EDEM1: variants seen among roughly 807,000 people sequenced by gnomAD.
EDEM1 encodes the protein ER degradation-enhancing alpha-mannosidase-like protein 1.
EDEM1 carries 67 observed loss-of-function variants against 74.4 expected under a neutral mutation model. The ratio of observed to expected loss-of-function variants is 0.90; its 90% CI spans 0.74 to 1.10. EDEM1 has a LOEUF of 1.10. Among genes scored for constraint, EDEM1 ranks in the 50% least tolerant of loss-of-function variants. The pLI, the probability that EDEM1 is intolerant of heterozygous loss-of-function variation, is 0.00. For missense variants in EDEM1, 926 were observed against 851.6 expected, an observed-to-expected ratio of 1.09 and a Z score of -1.09; for synonymous variants, 382 against 335.9, an observed-to-expected ratio of 1.14 and a Z score of -1.50.
intron 1 of EDEM1, 86 bp downstream of exon 1, chr3:5,188,400 G>A: frequency 7.7e-7 from 1 of 1,296,226 alleles, no homozygotes; most frequent in Non-Finnish European, 9.8e-7. Context: ...GTCCTCCGGG[G>A]CCCCCGAGGG....
chr3:5,199,351 A>C (rs990799775), intron 2 of EDEM1, among the ~76,000 whole-genome samples: 3 of 152,254 alleles, frequency 2.0e-5, no homozygotes, highest in Non-Finnish European at 2.9e-5. Context: ...CAATGATTTT[A>C]CAAGGAATTA....
At chr3:5,188,714 TA>T (rs2054861841) in intron 1 of EDEM1, among the ~76,000 whole-genome samples, 2 of 152,202 alleles carry the variant, frequency 1.3e-5, no homozygotes, top group Non-Finnish European at 2.9e-5. Flanking sequence ...GCCCCCCGTG[TA>T]AACGCAGCCT....
chr3:5,210,051 G>A, intron 8 of EDEM1, 124 bp from the exon 9 acceptor site: 1 of 765,554 alleles, frequency 1.3e-6, no homozygotes, highest in Non-Finnish European at 2.3e-6. Context: ...AAATGACCTG[G>A]GCCCTGTTTC....
intron 11 of EDEM1, among the ~76,000 whole-genome samples, chr3:5,214,458 G>A (rs944911926): frequency 1.3e-5 from 2 of 152,042 alleles, no homozygotes; most frequent in African/African-American, 2.4e-5. Context: ...AACCACCCCC[G>A]CCCCCATTTC....
In EDEM1 at chr3:5,207,222, G is replaced by T. The variant is rs754932073; in HGVS notation, c.1287G>T (p.Gln429His). 3 of 1,614,204 alleles carry T rather than the reference G, an allele frequency of 1.9e-6. No homozygotes were observed. Among genetic ancestry groups the T allele is most frequent in the East Asian group, 4.5e-5 (2 of 44,878 alleles). The change falls in exon 7 of 12, where the codon CAG (glutamine) becomes CAT (histidine). Residue 429 changes from glutamine to histidine, a missense_variant. Gln to His is a conservative substitution (Grantham distance 24). Transcript: ENST00000256497. ...LYVNVNMFSG[Q>H]LMNTWIDSLQ... Reference sequence around the variant, plus strand: ...TCAACGTGAACATGTTCAGTGGGCAGCTGATGAACACCTGGATTGACTCTC... The same window carrying T: ...TCAACGTGAACATGTTCAGTGGGCATCTGATGAACACCTGGATTGACTCTC...
chr3:5,198,662 C>CTTT (rs57260414), intron 2 of EDEM1, among the ~76,000 whole-genome samples: 2 of 75,150 alleles, frequency 2.7e-5, no homozygotes, highest in African/African-American at 9.1e-5. Context: ...ACGTATATAG[C>CTTT]TTTTTTTTTT....
intron 5 of EDEM1, among the ~76,000 whole-genome samples, chr3:5,204,274 C>T (rs1226275211): frequency 1.3e-5 from 2 of 152,070 alleles, no homozygotes; most frequent in South Asian, 2.1e-4. Flanking sequence ...TTCTGCCTGA[C>T]ATTTGGCAGA....
At chr3:5,198,804 A>G (rs143930832) in intron 2 of EDEM1, among the ~76,000 whole-genome samples, 12 of 148,902 alleles carry the variant, frequency 8.1e-5, no homozygotes, top group Admixed American at 6.9e-4. Context: ...TTATTTTTCT[A>G]TCACAGTATG....
At chr3:5,202,738 G>A (rs2055048585) in intron 4 of EDEM1, among the ~76,000 whole-genome samples, 1 of 152,206 alleles carries the variant, frequency 6.6e-6, no homozygotes, top group South Asian at 2.1e-4. Context: ...GCCATTCCCT[G>A]AAGACTTGCT....
At chr3:5,199,786 A>G in intron 3 of EDEM1, 91 bp downstream of exon 3, 1 of 1,061,178 alleles carries the variant, frequency 9.4e-7, no homozygotes, top group South Asian at 1.5e-5. Flanking sequence ...TTGCCACATG[A>G]TCCAGGCAGG....
rs1288483602 is a variant in EDEM1, at chr3:5,219,502, G to A, written c.*3584G>A. ...GTGTCCCAGGTTTCACAGGGCTCAGGGTTATGCTCCCGCTTGAATCTGGAC... is the reference window on the plus strand; with the variant it reads ...GTGTCCCAGGTTTCACAGGGCTCAGAGTTATGCTCCCGCTTGAATCTGGAC... On this transcript the variant is annotated 3_prime_UTR_variant, in exon 12 of 12. Coordinates refer to ENST00000256497, the MANE Select transcript of EDEM1 (RefSeq NM_014674.3). 1 of 152,090 alleles carries A rather than the reference G, an allele frequency of 6.6e-6. No homozygotes were observed. Among genetic ancestry groups the A allele is most frequent in the Non-Finnish European group, 1.5e-5 (1 of 68,026 alleles). 9.4% of individuals were successfully genotyped at this position (152,090 alleles called of 1,614,324 possible).
chr3:5,203,203 T>G, intron 5 of EDEM1, 54 bp downstream of exon 5: 12 of 1,473,278 alleles, frequency 8.1e-6, no homozygotes, highest in Non-Finnish European at 1.1e-5. Context: ...CCCCTTTTCC[T>G]TTCATCTTCT....
At position 5,188,368 on chromosome 3, in the gene EDEM1, C is replaced by A. The variant is rs1487087004; in HGVS notation, c.509+54C>A. On this transcript the variant is annotated intron_variant, in intron 1 of 11. Coordinates refer to ENST00000256497, the MANE Select transcript of EDEM1 (RefSeq NM_014674.3). ...GCGCCCACGCGCTTCCTTCCGCCCTCCGCGCCGGGGTGCAGCCCTCTGTCC... is the reference window on the plus strand; with the variant it reads ...GCGCCCACGCGCTTCCTTCCGCCCTACGCGCCGGGGTGCAGCCCTCTGTCC... The A allele has an allele frequency of 4.8e-5, 66 of 1,363,266 alleles. 1 individual carries two copies. Among genetic ancestry groups the A allele is most frequent in the Non-Finnish European group, 6.2e-5 (66 of 1,057,038 alleles). 84.4% of individuals were successfully genotyped at this position (1,363,266 alleles called of 1,614,324 possible).
At position 5,188,094 on chromosome 3, in the gene EDEM1, C is replaced by T; in HGVS notation, c.289C>T (p.Pro97Ser). 2.0e-6 allele frequency: 3 copies of T among 1,503,352 alleles called. No individual in the cohort carries two copies. The highest frequency in any genetic ancestry group is 1.8e-6 in the Non-Finnish European group (2 of 1,124,980). The allele number at this position is 1,503,352 out of a possible 1,614,324, so 93.1% of individuals were successfully genotyped here. A position where few individuals can be genotyped will look rare whatever the true frequency, so the allele number is the denominator to read the frequency against. The change falls in exon 1 of 12, where the codon CCA (proline) becomes TCA (serine). Residue 97 changes from proline to serine, a missense_variant. Pro to Ser is a moderately conservative substitution (Grantham distance 74, BLOSUM62 -1). Coordinates refer to ENST00000256497, the MANE Select transcript of EDEM1 (RefSeq NM_014674.3). ...PRRPGPGMCGPANWGYVLGGR... is the reference protein window; with the variant it reads ...PRRPGPGMCGSANWGYVLGGR... ...GCGTCCTGGGCCGGGGATGTGCGGC[C>T]CAGCCAACTGGGGCTACGTGCTGGG...
intron 3 of EDEM1, 62 bp from the exon 4 acceptor site, chr3:5,201,691 T>C (rs941796569): frequency 1.3e-6 from 2 of 1,589,622 alleles, no homozygotes; most frequent in African/African-American, 2.7e-5. Flanking sequence ...TCTTTCTGAA[T>C]TGGATTATGT....
At chr3:5,197,855 C>T (rs144653414) in intron 2 of EDEM1, among the ~76,000 whole-genome samples, 3 of 152,172 alleles carry the variant, frequency 2.0e-5, no homozygotes, top group East Asian at 3.9e-4. Context: ...AGCAAAATAA[C>T]GATGAGGTGG....
Position 5,213,344 on chromosome 3 carries a change from A to C in EDEM1, c.1706A>C (p.His569Pro), listed in dbSNP as rs1559300963. The change falls in exon 11 of 12, where the codon CAC (histidine) becomes CCC (proline). Residue 569 changes from histidine (H) to proline (P), a missense_variant. His to Pro is a moderately conservative substitution (Grantham distance 77). Transcript: ENST00000256497. ...YLLFDEDNPV[H>P]KSGTRYMFTT... Reference sequence around the variant, plus strand: ...CTGTTTGATGAAGACAATCCAGTACACAAGTCTGGAACCAGATACATGTTC... The same window carrying C: ...CTGTTTGATGAAGACAATCCAGTACCCAAGTCTGGAACCAGATACATGTTC... 6.2e-7 allele frequency: 1 copy of C among 1,613,876 alleles called. No homozygotes were observed.
intron 11 of EDEM1, 123 bp from the exon 12 acceptor site, chr3:5,215,706 C>A: frequency 1.1e-6 from 1 of 910,568 alleles, no homozygotes; most frequent in Non-Finnish European, 1.8e-6. Flanking sequence ...GCAGCTTCCA[C>A]AACAGTTACT....
intron 3 of EDEM1, among the ~76,000 whole-genome samples, chr3:5,200,615 ATACT>A (rs2055022967): frequency 6.6e-6 from 1 of 152,204 alleles, no homozygotes; most frequent in African/African-American, 2.4e-5. Flanking sequence ...CACAGATGTA[ATACT>A]TATTTAAAAT....
Sources: gnomAD v4.1 joint callset for allele counts (sites outside exome capture counted in the v4.1 genomes callset) on GRCh38, gnomAD v4.1.1 for gene constraint, MANE v1.5 for transcripts, NCBI Gene and HGNC (gene_info 2026-07-23, HGNC 2026-07-21) for gene names.